UNC5B: variants seen among roughly 807,000 people sequenced by gnomAD.
The protein encoded by UNC5B is netrin receptor UNC5B.
A neutral mutation model predicts 103.7 loss-of-function variants in UNC5B; 56 were observed. The observed-to-expected ratio is 0.54, with a 90% CI of 0.44 to 0.67. UNC5B has a LOEUF of 0.67. Among genes scored for constraint, UNC5B ranks in the 30% least tolerant of loss-of-function variants. The pLI is 0.00. For synonymous variants in UNC5B, 577 were observed against 542.0 expected (o/e 1.06, Z -0.90); for missense variants, 1,194 against 1,284.5 (o/e 0.93, Z 1.08).
intron 1 of UNC5B, among the ~76,000 whole-genome samples, chr10:71,225,572 C>T (rs370742914): frequency 1.3e-5 from 2 of 152,260 alleles, no homozygotes; most frequent in South Asian, 2.1e-4. Context: ...CTGTCTGAGC[C>T]AGCACACCAT....
Position 71,290,918 on chromosome 10 carries a change from T to A in UNC5B, c.1103T>A (p.Leu368Gln), listed in dbSNP as rs762785091. The A allele has an allele frequency of 6.2e-7, 1 of 1,611,714 alleles. No individual in the cohort carries two copies. Among genetic ancestry groups the A allele is most frequent in the African/African-American group, 1.3e-5 (1 of 74,934 alleles). Residue 368 changes from leucine (L) to glutamine (Q), a missense_variant, in exon 9 of 17, where the codon CTG (leucine) becomes CAG (glutamine). Coordinates refer to ENST00000335350, the MANE Select transcript of UNC5B (RefSeq NM_170744.5). Reference sequence around the variant, plus strand: ...TGTGGTCCTCCTGTCCCCGCAGTGCTGGAGGCCTCAGGGGATGCGGCGCTG... The same window carrying A: ...TGTGGTCCTCCTGTCCCCGCAGTGCAGGAGGCCTCAGGGGATGCGGCGCTG... Reference protein sequence around the residue: ...KTLSDPNSHLLEASGDAALYA... With the variant: ...KTLSDPNSHLQEASGDAALYA...
At chr10:71,274,778 T>TTCC (rs1056482732) in intron 1 of UNC5B, among the ~76,000 whole-genome samples, 2 of 152,064 alleles carry the variant, frequency 1.3e-5, no homozygotes, top group African/African-American at 4.8e-5. Flanking sequence ...CCAACAGTGT[T>TTCC]TCCTCCTCCT....
At chr10:71,271,730 C>T (rs1485287811) in intron 1 of UNC5B, among the ~76,000 whole-genome samples, 2 of 152,220 alleles carry the variant, frequency 1.3e-5, no homozygotes, top group Non-Finnish European at 2.9e-5. Flanking sequence ...CACAGTCCTT[C>T]GAGGGAGACG....
chr10:71,298,551 C>T (rs1042773014), intron 16 of UNC5B, among the ~76,000 whole-genome samples: 4 of 151,952 alleles, frequency 2.6e-5, no homozygotes, highest in African/African-American at 9.7e-5. Context: ...AATATAAGGC[C>T]AATGATAATA....
intron 1 of UNC5B, among the ~76,000 whole-genome samples, chr10:71,243,048 C>T (rs552660535): frequency 6.6e-6 from 1 of 152,234 alleles, no homozygotes; most frequent in South Asian, 2.1e-4. Context: ...GCCTGGCCAA[C>T]AGGCTGTATT....
At chr10:71,253,098 T>TC (rs766116623) in intron 1 of UNC5B, among the ~76,000 whole-genome samples, 5 of 152,128 alleles carry the variant, frequency 3.3e-5, no homozygotes, top group Non-Finnish European at 7.4e-5. Flanking sequence ...TCTAAAATCC[T>TC]CCCCTCATTT....
chr10:71,277,170 T>C (rs1182973167), intron 1 of UNC5B, among the ~76,000 whole-genome samples: 1 of 152,246 alleles, frequency 6.6e-6, no homozygotes, highest in Non-Finnish European at 1.5e-5. Flanking sequence ...CAGCCTGCAG[T>C]GCTGCAGAGC....
At chr10:71,238,873 G>A (rs971129309) in intron 1 of UNC5B, among the ~76,000 whole-genome samples, 1 of 152,094 alleles carries the variant, frequency 6.6e-6, no homozygotes, top group Admixed American at 6.5e-5. Flanking sequence ...TCGACCTCCT[G>A]GGCTCAAATG....
intron 1 of UNC5B, among the ~76,000 whole-genome samples, chr10:71,248,308 G>A (rs1844085210): frequency 6.6e-6 from 1 of 152,078 alleles, no homozygotes; most frequent in African/African-American, 2.4e-5. Context: ...AAGCAGGGAC[G>A]CCCTGGGAGC....
intron 1 of UNC5B, among the ~76,000 whole-genome samples, chr10:71,260,236 C>T (rs748726261): frequency 5.9e-5 from 9 of 152,244 alleles, no homozygotes; most frequent in Non-Finnish European, 1.0e-4. Context: ...CTGAGAAATC[C>T]GGCATTCCAT....
chr10:71,289,897 C>T (rs968335758), intron 8 of UNC5B, among the ~76,000 whole-genome samples: 21 of 152,192 alleles, frequency 1.4e-4, no homozygotes, highest in African/African-American at 4.1e-4. Context: ...CTTAGGCTGA[C>T]GCCAAGTGCA....
At chr10:71,260,340 G>A (rs1203566188) in intron 1 of UNC5B, among the ~76,000 whole-genome samples, 1 of 152,258 alleles carries the variant, frequency 6.6e-6, no homozygotes, top group Non-Finnish European at 1.5e-5. Context: ...AGTGGGTGGA[G>A]GCGAGAGAGG....
At chr10:71,275,369 C>G (rs1324909566) in intron 1 of UNC5B, among the ~76,000 whole-genome samples, 2 of 152,196 alleles carry the variant, frequency 1.3e-5, no homozygotes, top group Non-Finnish European at 2.9e-5. Context: ...TCTGTAGAGA[C>G]GGAGCAGCAG....
At chr10:71,256,636 G>C (rs1372301814) in intron 1 of UNC5B, among the ~76,000 whole-genome samples, 1 of 152,254 alleles carries the variant, frequency 6.6e-6, no homozygotes, top group Admixed American at 6.5e-5. Context: ...TGGCAGCCCA[G>C]TCCCCAGACT....
chr10:71,225,604 A>G (rs74947246), intron 1 of UNC5B, among the ~76,000 whole-genome samples: 5,715 of 152,320 alleles, frequency 0.038, 131 homozygotes, highest in Middle Eastern at 0.082. Flanking sequence ...ACCAGAAGTT[A>G]CATAATCCCT....
intron 1 of UNC5B, among the ~76,000 whole-genome samples, chr10:71,263,619 C>T (rs1347463851): frequency 1.3e-5 from 2 of 152,226 alleles, no homozygotes; most frequent in Admixed American, 6.5e-5. Flanking sequence ...CGGAGTGCGG[C>T]AGTGACAGCG....
intron 1 of UNC5B, among the ~76,000 whole-genome samples, chr10:71,214,262 C>A (rs952481803): frequency 6.6e-6 from 1 of 152,190 alleles, no homozygotes; most frequent in Admixed American, 6.5e-5. Flanking sequence ...CTTCCCCCCT[C>A]CATAGCCAAA....
At position 71,279,796 on chromosome 10, in the gene UNC5B, A is replaced by G. The variant is rs766143173; in HGVS notation, c.80-25A>G. ...CAGGGCCCTCCCAGCACACAGCCTC[A>G]TGGAGGTCTCCACTCACTCTGCAGG... is the stretch of plus-strand genomic sequence containing the variant. On this transcript the variant is annotated intron_variant, in intron 1 of 16. Coordinates refer to ENST00000335350, the MANE Select transcript of UNC5B (RefSeq NM_170744.5). 5 of 1,605,716 alleles carry G rather than the reference A, an allele frequency of 3.1e-6. No individual in the cohort carries two copies. In the East Asian group the frequency reaches 9.0e-5, roughly 29 times the overall value.
intron 1 of UNC5B, among the ~76,000 whole-genome samples, chr10:71,235,080 CG>C (rs1843749290): frequency 6.9e-6 from 1 of 144,290 alleles, no homozygotes; most frequent in Non-Finnish European, 1.6e-5. Context: ...GACTCGCTGC[CG>C]CTGCCTCTGA....
Sources: allele counts gnomAD v4.1 joint callset (sites outside exome capture counted in the v4.1 genomes callset), GRCh38; gene constraint gnomAD v4.1.1; transcripts MANE v1.5; gene names NCBI Gene and HGNC (gene_info 2026-07-23, HGNC 2026-07-21).